CNTNAP2: variants seen among roughly 807,000 people sequenced by gnomAD.
CNTNAP2 encodes contactin associated protein 2.
In CNTNAP2, 98 loss-of-function variants were observed where a neutral mutation model predicts 155.2. The observed-to-expected ratio is 0.63, with a 90% confidence interval of 0.54 to 0.75. CNTNAP2 has a LOEUF of 0.75. CNTNAP2 is among the 30% of genes least tolerant of loss of function. CNTNAP2 has a pLI of 0.00. For missense variants in CNTNAP2, 1,727 were observed against 1,688.1 expected (o/e 1.02, Z -0.40); for synonymous variants, 651 against 631.2 (o/e 1.03, Z -0.47).
chr7:146,977,631 A>T (rs554183476), intron 3 of CNTNAP2, among the ~76,000 whole-genome samples: 1 of 152,322 alleles, frequency 6.6e-6, no homozygotes, highest in Admixed American at 6.5e-5. Flanking sequence ...ACTTTATCAA[A>T]TGTTTTAATA....
At position 148,413,502 on chromosome 7, in the gene CNTNAP2, G is replaced by C. The variant is rs1414029061; in HGVS notation, c.3797-1915G>C. Among the ~76,000 whole-genome samples the C allele has an allele frequency of 5.6e-5, 8 of 143,368 alleles. No homozygotes were observed. In the Admixed American group the frequency reaches 5.6e-4, roughly 10 times the overall value. The allele number at this position is 143,368 out of a possible 152,430, so 94.1% of individuals were successfully genotyped here. A position where few individuals can be genotyped will look rare whatever the true frequency, so the allele number is the denominator to read the frequency against. On this transcript the variant is annotated intron_variant, in intron 23 of 23. Transcript: ENST00000361727. ...TGGTTTTAGTGTCAGGATAATGCTG[G>C]TCTCATAAAATGAATTGAGTAGTGT...
intron 1 of CNTNAP2, among the ~76,000 whole-genome samples, chr7:146,154,624 A>G (rs114674778): frequency 0.013 from 1,911 of 152,284 alleles, 35 homozygotes; most frequent in African/African-American, 0.042. Context: ...ATGCCCCAAG[A>G]GTCTCACAAA....
At chr7:148,271,043 A>G (rs990618537) in intron 21 of CNTNAP2, among the ~76,000 whole-genome samples, 1 of 152,108 alleles carries the variant, frequency 6.6e-6, no homozygotes, top group African/African-American at 2.4e-5. Flanking sequence ...TAAATGAACT[A>G]CTCTTTTAAT....
intron 1 of CNTNAP2, among the ~76,000 whole-genome samples, chr7:146,480,663 AAT>A (rs1305632365): frequency 1.1e-3 from 154 of 140,698 alleles, no homozygotes; most frequent in Non-Finnish European, 1.9e-3. Flanking sequence ...GAACCTATAA[AAT>A]ATATATATAT....
chr7:146,247,210 C>G (rs559426635), intron 1 of CNTNAP2, among the ~76,000 whole-genome samples: 1 of 152,126 alleles, frequency 6.6e-6, no homozygotes, highest in African/African-American at 2.4e-5. Context: ...AGAGCCTAAA[C>G]GCACACTGAT....
intron 9 of CNTNAP2, among the ~76,000 whole-genome samples, chr7:147,312,119 T>C (rs931494222): frequency 1.3e-5 from 2 of 152,130 alleles, no homozygotes; most frequent in Non-Finnish European, 2.9e-5. Context: ...AGTAATTAAA[T>C]AGAGCTTTTG....
At chr7:146,779,478 C>T (rs1802444934) in intron 2 of CNTNAP2, among the ~76,000 whole-genome samples, 1 of 152,082 alleles carries the variant, frequency 6.6e-6, no homozygotes. Flanking sequence ...TCAGTGCTGC[C>T]TTTTTGAATT....
intron 8 of CNTNAP2, among the ~76,000 whole-genome samples, chr7:147,210,224 A>G (rs1298385712): frequency 6.6e-6 from 1 of 151,908 alleles, no homozygotes; most frequent in Non-Finnish European, 1.5e-5. Context: ...CATCTGATTC[A>G]GGGCTTTTAT....
chr7:147,606,840 A>T (rs1382047277), intron 12 of CNTNAP2, among the ~76,000 whole-genome samples: 1 of 152,236 alleles, frequency 6.6e-6, no homozygotes, highest in African/African-American at 2.4e-5. Flanking sequence ...GACCTAAGGG[A>T]CTAAGCAAAA....
intron 1 of CNTNAP2, among the ~76,000 whole-genome samples, chr7:146,356,560 A>G (rs926978921): frequency 1.3e-5 from 2 of 152,214 alleles, no homozygotes; most frequent in Non-Finnish European, 1.5e-5. Context: ...GCTAATGAAC[A>G]TCAATACAAA....
intron 18 of CNTNAP2, among the ~76,000 whole-genome samples, chr7:148,193,971 CTT>C (rs34642827): frequency 1.5e-4 from 21 of 140,872 alleles, no homozygotes; most frequent in Admixed American, 2.2e-4. Context: ...TTAACACTGC[CTT>C]TTTTTTTTTT....
At chr7:147,553,727 C>T (rs533303499) in intron 11 of CNTNAP2, among the ~76,000 whole-genome samples, 1 of 152,120 alleles carries the variant, frequency 6.6e-6, no homozygotes, top group South Asian at 2.1e-4. Flanking sequence ...GTGGTTTGCG[C>T]CTGTAATCCC....
chr7:147,095,015 T>A (rs1800497546), intron 4 of CNTNAP2, among the ~76,000 whole-genome samples: 1 of 151,728 alleles, frequency 6.6e-6, no homozygotes, highest in South Asian at 2.1e-4. Flanking sequence ...GGGGCAACTT[T>A]ATTTTTTTTG....
At chr7:147,353,153 A>G (rs960768801) in intron 9 of CNTNAP2, among the ~76,000 whole-genome samples, 92 of 151,840 alleles carry the variant, frequency 6.1e-4, no homozygotes, top group African/African-American at 2.2e-3. Context: ...GTACATATAT[A>G]TATGTATATG....
chr7:148,283,050 C>A lies in CNTNAP2; in HGVS notation c.3475+15924C>A, dbSNP rs527294616. On this transcript the variant is annotated intron_variant, in intron 21 of 23. Coordinates refer to ENST00000361727, the MANE Select transcript of CNTNAP2 (RefSeq NM_014141.6). ...AGGAGTTCGAGACCAGCCTGGCCAACATGGTGAAATCCCATCTCTACTTTA... is the reference window on the plus strand; with the variant it reads ...AGGAGTTCGAGACCAGCCTGGCCAAAATGGTGAAATCCCATCTCTACTTTA... Among the ~76,000 whole-genome samples the A allele has an allele frequency of 2.8e-4, 42 of 151,826 alleles. 2 individuals carry two copies. In the South Asian group the frequency reaches 8.4e-3, roughly 30 times the overall value.
chr7:147,048,357 C>CA (rs1799408975), intron 4 of CNTNAP2, among the ~76,000 whole-genome samples: 1 of 150,872 alleles, frequency 6.6e-6, no homozygotes, highest in South Asian at 2.1e-4. Context: ...GCCAGCAGCT[C>CA]AAAAGGCAGA....
intron 1 of CNTNAP2, among the ~76,000 whole-genome samples, chr7:146,773,213 G>GA (rs1177633853): frequency 2.4e-4 from 36 of 151,400 alleles, no homozygotes; most frequent in Admixed American, 1.1e-3. Flanking sequence ...AGAAAAAAGA[G>GA]AAAAAAAAAT....
intron 4 of CNTNAP2, among the ~76,000 whole-genome samples, chr7:147,056,180 A>G (rs1784373079): frequency 6.6e-6 from 1 of 152,184 alleles, no homozygotes; most frequent in Non-Finnish European, 1.5e-5. Flanking sequence ...CAGAACAGAA[A>G]AGAAAAACTT....
At chr7:147,083,554 A>G (rs11976605) in intron 4 of CNTNAP2, among the ~76,000 whole-genome samples, 1 of 144,696 alleles carries the variant, frequency 6.9e-6, no homozygotes, top group East Asian at 2.1e-4. Context: ...ATATATGTAT[A>G]TATATATATA....
Sources: allele counts gnomAD v4.1 joint callset (sites outside exome capture counted in the v4.1 genomes callset), GRCh38; gene constraint gnomAD v4.1.1; transcripts MANE v1.5; gene names NCBI Gene and HGNC (gene_info 2026-07-23, HGNC 2026-07-21).